Variants in LPP observed in about 807,000 individuals in gnomAD.
LPP encodes the protein LIM domain containing preferred translocation partner in lipoma.
LPP carries 38 observed loss-of-function variants against 60.4 expected under a neutral mutation model. The ratio of observed to expected loss-of-function variants is 0.63; its 90% CI spans 0.49 to 0.83. The LOEUF is 0.83. LPP is among the 40% of genes least tolerant of loss of function. LPP has a pLI of 0.00. For synonymous variants in LPP, 328 were observed against 290.8 expected, an observed-to-expected ratio of 1.13 and a Z score of -1.30; for missense variants, 902 against 783.6, an observed-to-expected ratio of 1.15 and a Z score of -1.80.
At chr3:188,332,176 A>G (rs909838734) in intron 2 of LPP, among the ~76,000 whole-genome samples, 2 of 152,158 alleles carry the variant, frequency 1.3e-5, no homozygotes, top group Non-Finnish European at 2.9e-5. Flanking sequence ...CTAGAATTTA[A>G]CATGATTTTC....
chr3:188,270,597 C>T (rs754993836), intron 2 of LPP, among the ~76,000 whole-genome samples: 10 of 152,110 alleles, frequency 6.6e-5, no homozygotes, highest in African/African-American at 1.4e-4. Context: ...CCATATATGG[C>T]GAAAAGAGGA....
intron 1 of LPP, among the ~76,000 whole-genome samples, chr3:188,213,365 T>G (rs1016504318): frequency 6.6e-6 from 1 of 152,152 alleles, no homozygotes; most frequent in Non-Finnish European, 1.5e-5. Context: ...TTTCACAGTG[T>G]GAGATAATGG....
intron 6 of LPP, among the ~76,000 whole-genome samples, chr3:188,575,737 C>CT (rs1395532796): frequency 3.3e-5 from 5 of 152,116 alleles, no homozygotes; most frequent in Non-Finnish European, 7.4e-5. Flanking sequence ...AGCACCACCG[C>CT]TTTTTTTAAA....
chr3:188,349,964 C>G (rs1765409126), intron 3 of LPP, among the ~76,000 whole-genome samples: 1 of 152,214 alleles, frequency 6.6e-6, no homozygotes, highest in South Asian at 2.1e-4. Context: ...GCCTCTTCTC[C>G]TTTGCTGCAC....
At chr3:188,524,891 CCG>C (rs1426122086) in intron 6 of LPP, 104 bp downstream of exon 6, 3 of 78,314 alleles carry the variant, frequency 3.8e-5, no homozygotes, top group East Asian at 2.5e-3. Flanking sequence ...TTCCTTCCTT[CCG>C]TCCGTCCTTC....
At chr3:188,848,786 T>C (rs1762067760) in intron 9 of LPP, among the ~76,000 whole-genome samples, 1 of 151,948 alleles carries the variant, frequency 6.6e-6, no homozygotes, top group Non-Finnish European at 1.5e-5. Context: ...GCCAACATGG[T>C]GAAACCCCAT....
At chr3:188,240,627 A>G (rs552184122) in intron 2 of LPP, among the ~76,000 whole-genome samples, 3 of 152,256 alleles carry the variant, frequency 2.0e-5, no homozygotes, top group Admixed American at 6.5e-5. Flanking sequence ...TTTGGGTAGA[A>G]ACTTTCATAT....
chr3:188,593,030 A>G (rs904163916), intron 6 of LPP, among the ~76,000 whole-genome samples: 7 of 152,148 alleles, frequency 4.6e-5, no homozygotes, highest in African/African-American at 1.7e-4. Context: ...CTACCATTCC[A>G]TGAATTGTAT....
At chr3:188,736,438 A>T (rs1227790283) in intron 8 of LPP, among the ~76,000 whole-genome samples, 3 of 152,126 alleles carry the variant, frequency 2.0e-5, no homozygotes, top group South Asian at 2.1e-4. Context: ...CTTAAAAAAA[A>T]TTTTATTCAC....
chr3:188,556,760 T>C (rs1829568501), intron 6 of LPP, among the ~76,000 whole-genome samples: 1 of 138,754 alleles, frequency 7.2e-6, no homozygotes, highest in African/African-American at 2.6e-5. Flanking sequence ...TTGGCACTTT[T>C]GGCACTTCAG....
chr3:188,166,157 A>AT (rs576813000), intron 1 of LPP, among the ~76,000 whole-genome samples: 10 of 146,632 alleles, frequency 6.8e-5, no homozygotes, highest in East Asian at 2.0e-4. Context: ...ATCAACCCTG[A>AT]TTTTTTTTTT....
chr3:188,527,368 A>C (rs1820919022), intron 6 of LPP, among the ~76,000 whole-genome samples: 1 of 150,776 alleles, frequency 6.6e-6, no homozygotes, highest in Admixed American at 6.6e-5. Context: ...AAAAAAAAAA[A>C]AAGAGAGAAT....
At chr3:188,703,230 C>G (rs1864834550) in intron 7 of LPP, among the ~76,000 whole-genome samples, 1 of 152,224 alleles carries the variant, frequency 6.6e-6, no homozygotes, top group African/African-American at 2.4e-5. Flanking sequence ...TATTCCCTTT[C>G]AGCACCTCCC....
intron 9 of LPP, among the ~76,000 whole-genome samples, chr3:188,807,797 A>G (rs1577686664): frequency 6.6e-6 from 1 of 152,168 alleles, no homozygotes; most frequent in East Asian, 1.9e-4. Flanking sequence ...AACATTAATC[A>G]TAGTTATTTT....
intron 6 of LPP, among the ~76,000 whole-genome samples, chr3:188,592,698 C>A (rs376014059): frequency 6.6e-6 from 1 of 151,650 alleles, no homozygotes; most frequent in Non-Finnish European, 1.5e-5. Context: ...CCCACCACCA[C>A]GCCTGGCTAA....
chr3:188,411,021 T>C (rs1784774739), intron 4 of LPP, among the ~76,000 whole-genome samples: 1 of 152,164 alleles, frequency 6.6e-6, no homozygotes, highest in African/African-American at 2.4e-5. Context: ...AGAATAATGG[T>C]CTCCAACTCT....
intron 2 of LPP, among the ~76,000 whole-genome samples, chr3:188,269,067 T>C (rs974422119): frequency 6.6e-6 from 1 of 152,234 alleles, no homozygotes; most frequent in Non-Finnish European, 1.5e-5. Context: ...TTACCCATCC[T>C]GAGTCCTAGG....
At chr3:188,330,120 A>T (rs1273076968) in intron 2 of LPP, among the ~76,000 whole-genome samples, 1 of 152,086 alleles carries the variant, frequency 6.6e-6, no homozygotes, top group Non-Finnish European at 1.5e-5. Flanking sequence ...GCTTTTGGTT[A>T]TGTTGATATT....
At chr3:188,694,013 A>C (rs1403366812) in intron 7 of LPP, among the ~76,000 whole-genome samples, 1 of 152,200 alleles carries the variant, frequency 6.6e-6, no homozygotes, top group African/African-American at 2.4e-5. Context: ...TTATAAATGA[A>C]GGGATTCATG....
Sources: allele counts gnomAD v4.1 joint callset (sites outside exome capture counted in the v4.1 genomes callset), GRCh38; gene constraint gnomAD v4.1.1; transcripts MANE v1.5; gene names NCBI Gene and HGNC (gene_info 2026-07-23, HGNC 2026-07-21).